Variants in TMCO1 observed in about 807,000 individuals in gnomAD.
TMCO1 encodes calcium load-activated calcium channel.
In TMCO1, 29 loss-of-function variants were observed where a neutral mutation model predicts 29.3. The observed-to-expected ratio is 0.99, with a 90% CI of 0.74 to 1.35. The LOEUF is 1.35. TMCO1 is among the 40% of genes most tolerant of loss of function. TMCO1 has a pLI of 0.00. For missense variants in TMCO1, 173 were observed against 225.5 expected, an observed-to-expected ratio of 0.77 and a Z score of 1.49; for synonymous variants, 80 against 77.1, an observed-to-expected ratio of 1.04 and a Z score of -0.20.
At chr1:165,748,827 C>T (rs574705022) in intron 5 of TMCO1, among the ~76,000 whole-genome samples, 1 of 152,160 alleles carries the variant, frequency 6.6e-6, no homozygotes, top group South Asian at 2.1e-4. Flanking sequence ...CCTAAAGAAT[C>T]CTCTGTGCTC....
downstream of TMCO1, chr1:165,724,451 T>C (rs1650768749): frequency 6.6e-6 from 3 of 453,942 alleles, no homozygotes; most frequent in South Asian, 4.7e-5. Flanking sequence ...AACAAATATA[T>C]TGTAAGAGGG....
At chr1:165,767,340 T>G (rs1232389389) in intron 2 of TMCO1, among the ~76,000 whole-genome samples, 1 of 152,200 alleles carries the variant, frequency 6.6e-6, no homozygotes, top group East Asian at 1.9e-4. Flanking sequence ...ATTCACCCTG[T>G]ACCTTTAGCT....
downstream of TMCO1, chr1:165,725,641 A>T (rs112119373): frequency 2.4e-5 from 11 of 453,948 alleles, no homozygotes; most frequent in African/African-American, 4.0e-5. Context: ...CCTGTCTTGA[A>T]ATGTCATCTC....
At position 165,730,582 on chromosome 1, in the gene TMCO1, G is replaced by A. The variant is rs76533353; in HGVS notation, c.469-2461C>T. Among the ~76,000 whole-genome samples, 1,016 of 152,236 alleles carry A rather than the reference G, an allele frequency of 6.7e-3. 17 individuals carry two copies. Among genetic ancestry groups the A allele is most frequent in the African/African-American group, 0.022 (916 of 41,548 alleles). On this transcript the variant is annotated intron_variant, in intron 6 of 6. Transcript: ENST00000367881. ...AGGATACCTCTCCTTAGTAAAGATG[G>A]AGAATGATCAGACTTTGTATTTCTT... is the stretch of plus-strand genomic sequence containing the variant.
At chr1:165,737,625 C>A (rs531916349) in intron 6 of TMCO1, among the ~76,000 whole-genome samples, 1 of 152,050 alleles carries the variant, frequency 6.6e-6, no homozygotes, top group Non-Finnish European at 1.5e-5. Context: ...ACATTACTTA[C>A]GAGGACACAA....
At chr1:165,730,190 G>C (rs1175978944) in intron 6 of TMCO1, among the ~76,000 whole-genome samples, 2 of 139,082 alleles carry the variant, frequency 1.4e-5, no homozygotes, top group African/African-American at 5.3e-5. Flanking sequence ...AAAAAAATTA[G>C]CCGGGAGAGG....
intron 6 of TMCO1, among the ~76,000 whole-genome samples, chr1:165,742,156 T>C (rs1026010540): frequency 2.6e-5 from 4 of 152,248 alleles, no homozygotes; most frequent in Non-Finnish European, 4.4e-5. Context: ...ATTTACTGCA[T>C]GTGCAAACCT....
At position 165,728,230 on chromosome 1, in the gene TMCO1, C is replaced by G. The variant is rs755195949; in HGVS notation, c.469-109G>C. The G allele has an allele frequency of 9.1e-6, 7 of 765,370 alleles. No homozygotes were observed. The Admixed American group carries it at 9.4e-5, about 10-fold the overall frequency. 47.4% of individuals were successfully genotyped at this position (765,370 alleles called of 1,614,324 possible). On this transcript the variant is annotated intron_variant, in intron 6 of 6. Transcript: ENST00000367881. ...CTCATACTCATATAGATTAAAGGAA[C>G]CATTATGACCTGCAATAGGATGATT... is the stretch of plus-strand genomic sequence containing the variant.
intron 2 of TMCO1, among the ~76,000 whole-genome samples, chr1:165,761,029 T>C (rs368304974): frequency 6.6e-6 from 1 of 152,156 alleles, no homozygotes; most frequent in South Asian, 2.1e-4. Context: ...ACTCTTTCCC[T>C]TAGTACATGA....
chr1:165,768,356 T>G (rs1652653239), intron 1 of TMCO1, 87 bp from the exon 2 acceptor site: 1 of 1,522,216 alleles, frequency 6.6e-7, no homozygotes, highest in East Asian at 2.3e-5. Context: ...AAGGAGGAAT[T>G]CCAACTTTTC....
intron 5 of TMCO1, among the ~76,000 whole-genome samples, chr1:165,751,505 AC>A (rs1295224224): frequency 6.6e-6 from 1 of 152,092 alleles, no homozygotes; most frequent in African/African-American, 2.4e-5. Flanking sequence ...GGAGTTTGAG[AC>A]CAGCCTGACC....
intron 3 of TMCO1, among the ~76,000 whole-genome samples, chr1:165,755,953 A>C (rs1418887188): frequency 1.3e-5 from 2 of 152,182 alleles, no homozygotes; most frequent in Non-Finnish European, 2.9e-5. Context: ...TGGGAAAATA[A>C]ATCAATTAAC....
downstream of TMCO1, chr1:165,726,337 G>T (rs769491554): frequency 3.8e-5 from 26 of 686,020 alleles, no homozygotes; most frequent in Non-Finnish European, 1.1e-5. Context: ...CACCCACGTT[G>T]ACTACTTTGT....
At chr1:165,732,388 C>T (rs111630051) in intron 6 of TMCO1, among the ~76,000 whole-genome samples, 1,714 of 89,722 alleles carry the variant, frequency 0.019, 55 homozygotes, top group African/African-American at 0.065. Context: ...CATAAAGAAG[C>T]AAAAAAAAAA....
intron 5 of TMCO1, among the ~76,000 whole-genome samples, chr1:165,746,693 T>C (rs1651811795): frequency 6.6e-6 from 1 of 152,176 alleles, no homozygotes; most frequent in African/African-American, 2.4e-5. Context: ...AGCAGTGATA[T>C]GGGCATTCTC....
intron 4 of TMCO1, among the ~76,000 whole-genome samples, 196 bp downstream of exon 4, chr1:165,754,032 T>C (rs1351854585): frequency 1.3e-5 from 2 of 152,150 alleles, no homozygotes; most frequent in South Asian, 2.1e-4. Flanking sequence ...AAAAAAGCTA[T>C]TTATAGTATT....
chr1:165,756,447 G>A (rs933166191), intron 3 of TMCO1, among the ~76,000 whole-genome samples: 2 of 152,030 alleles, frequency 1.3e-5, no homozygotes, highest in East Asian at 3.8e-4. Context: ...TTCTCATCAC[G>A]TATATCCTTC....
intron 5 of TMCO1, among the ~76,000 whole-genome samples, chr1:165,750,987 T>C (rs1651971719): frequency 6.6e-6 from 1 of 151,958 alleles, no homozygotes; most frequent in Non-Finnish European, 1.5e-5. Context: ...GGAGAATCAC[T>C]TGAACCCAGG....
chr1:165,727,889 A>G lies in TMCO1; in HGVS notation c.*134T>C. On this transcript the variant is annotated 3_prime_UTR_variant, in exon 7 of 7. Coordinates refer to ENST00000367881, the MANE Select transcript of TMCO1 (RefSeq NM_019026.6). ...GCCATTTTCACTCTAATCATACCCAAAAGGCTTAGAAATAATTCAAAACTA... is the reference window on the plus strand; with the variant it reads ...GCCATTTTCACTCTAATCATACCCAGAAGGCTTAGAAATAATTCAAAACTA... The G allele has an allele frequency of 1.5e-6, 1 of 654,702 alleles. No individual in the cohort carries two copies. The highest frequency in any genetic ancestry group is 2.7e-6 in the Non-Finnish European group (1 of 368,982). The allele number at this position is 654,702 out of a possible 1,614,324, so 40.6% of individuals were successfully genotyped here.
Sources: gnomAD v4.1 joint callset for allele counts (sites outside exome capture counted in the v4.1 genomes callset) on GRCh38, gnomAD v4.1.1 for gene constraint, MANE v1.5 for transcripts, NCBI Gene and HGNC (gene_info 2026-07-23, HGNC 2026-07-21) for gene names.